UBE3D: variants seen among roughly 807,000 people sequenced by gnomAD.
The protein encoded by UBE3D is E3 ubiquitin-protein ligase E3D.
Under a neutral mutation model 49.6 loss-of-function variants are expected in UBE3D, and 48 were observed. That is an observed-to-expected ratio of 0.97 (90% CI 0.77 to 1.23). UBE3D has a LOEUF of 1.23. Among genes scored for constraint, UBE3D ranks in the 50% most tolerant of loss-of-function variants. UBE3D has a pLI of 0.00. For synonymous variants in UBE3D, 189 were observed against 174.2 expected (o/e 1.08, Z -0.67); for missense variants, 452 against 468.4 (o/e 0.96, Z 0.32).
the UBE3D span, among the ~76,000 whole-genome samples, chr6:82,886,619 C>T: frequency 2.6e-4 from 39 of 152,300 alleles, no homozygotes; most frequent in African/African-American, 8.7e-4. Flanking sequence ...GCAATTGTCA[C>T]GGGATTGGAA....
chr6:83,058,580 G>A (rs1042797400), intron 1 of UBE3D, among the ~76,000 whole-genome samples: 3 of 152,150 alleles, frequency 2.0e-5, no homozygotes, highest in African/African-American at 7.2e-5. Context: ...GGCATCTATG[G>A]AAATGACCCT....
At chr6:82,960,962 G>A (rs1209802905) in intron 8 of UBE3D, among the ~76,000 whole-genome samples, 2 of 152,144 alleles carry the variant, frequency 1.3e-5, no homozygotes, top group Non-Finnish European at 2.9e-5. Flanking sequence ...AAAGTGTGGT[G>A]AAAAGGTTTT....
rs143383689 is a variant in UBE3D at position 82,971,852 on chromosome 6, A to G, written c.1011-14402T>C. On this transcript the variant is annotated intron_variant, in intron 8 of 9. Transcript: ENST00000369747. ...ATATTACTGGTATTGATAAAATGGC[A>G]TTATTTATAGAAGCTTTATTTGGAG... Among the ~76,000 whole-genome samples the G allele has an allele frequency of 5.8e-4, 89 of 152,294 alleles. 1 individual carries two copies. The highest frequency in any genetic ancestry group is 1.9e-3 in the African/African-American group (77 of 41,562).
intron 9 of UBE3D, among the ~76,000 whole-genome samples, chr6:82,896,501 G>A (rs1771329020): frequency 6.6e-6 from 1 of 152,114 alleles, no homozygotes. Context: ...ATGGAGAGAG[G>A]GAGAGGATGT....
intron 4 of UBE3D, among the ~76,000 whole-genome samples, chr6:83,043,882 C>G (rs551590832): frequency 2.0e-5 from 3 of 152,206 alleles, no homozygotes. Flanking sequence ...ACTTATGCAG[C>G]AAGAGCCACC....
At chr6:83,012,900 T>C (rs944577328) in intron 8 of UBE3D, among the ~76,000 whole-genome samples, 2 of 152,214 alleles carry the variant, frequency 1.3e-5, no homozygotes, top group African/African-American at 2.4e-5. Context: ...AGCTGTCCAC[T>C]TTCAGGTGGT....
At chr6:82,959,611 C>T (rs1006278609) in intron 8 of UBE3D, among the ~76,000 whole-genome samples, 1 of 150,970 alleles carries the variant, frequency 6.6e-6, no homozygotes, top group Admixed American at 6.6e-5. Flanking sequence ...CTTCCTTCAA[C>T]CACATTCCAC....
At chr6:83,044,736 A>T (rs979594473) in intron 3 of UBE3D, 77 bp from the exon 4 acceptor site, 3 of 1,239,618 alleles carry the variant, frequency 2.4e-6, no homozygotes, top group Admixed American at 2.2e-5. Context: ...ACCATAAAAG[A>T]TGAAAGAAAC....
chr6:82,999,513 T>C (rs1562168995), intron 8 of UBE3D, among the ~76,000 whole-genome samples: 1 of 152,170 alleles, frequency 6.6e-6, no homozygotes, highest in Non-Finnish European at 1.5e-5. Context: ...GCCTCCCAAG[T>C]AGCTGGGACT....
At chr6:82,904,382 T>C (rs1360562770) in intron 9 of UBE3D, among the ~76,000 whole-genome samples, 1 of 152,184 alleles carries the variant, frequency 6.6e-6, no homozygotes, top group Non-Finnish European at 1.5e-5. Flanking sequence ...CAGATTAGTG[T>C]AAGAAGTCAG....
chr6:82,980,746 T>C (rs1236063329), intron 8 of UBE3D, among the ~76,000 whole-genome samples: 1 of 152,038 alleles, frequency 6.6e-6, no homozygotes, highest in Admixed American at 6.6e-5. Flanking sequence ...GATTTCTATA[T>C]GGTAAGAGAG....
At chr6:82,970,233 C>T (rs1056058560) in intron 8 of UBE3D, among the ~76,000 whole-genome samples, 1 of 151,096 alleles carries the variant, frequency 6.6e-6, no homozygotes, top group Non-Finnish European at 1.5e-5. Flanking sequence ...AAAAACCTAT[C>T]ATATCATTTT....
At chr6:82,971,787 A>T (rs973047040) in intron 8 of UBE3D, among the ~76,000 whole-genome samples, 1 of 152,120 alleles carries the variant, frequency 6.6e-6, no homozygotes. Flanking sequence ...AAGAATTTTT[A>T]AAAAACATGT....
chr6:82,912,616 T>C (rs891360972), intron 9 of UBE3D, among the ~76,000 whole-genome samples: 6 of 152,184 alleles, frequency 3.9e-5, no homozygotes, highest in African/African-American at 1.4e-4. Context: ...AAGAGTTATG[T>C]GGAAAGTTAT....
the UBE3D span, among the ~76,000 whole-genome samples, chr6:82,882,438 T>G: frequency 6.6e-6 from 1 of 152,226 alleles, no homozygotes; most frequent in Non-Finnish European, 1.5e-5. Context: ...GGCACCTCTA[T>G]TTTGGATTCC....
At chr6:83,047,305 C>G (rs1482065332) in intron 3 of UBE3D, among the ~76,000 whole-genome samples, 1 of 152,158 alleles carries the variant, frequency 6.6e-6, no homozygotes, top group East Asian at 1.9e-4. Context: ...GCATCTGAAC[C>G]AGGAAGAAAT....
intron 8 of UBE3D, among the ~76,000 whole-genome samples, chr6:82,966,298 G>C (rs1050555537): frequency 6.6e-6 from 1 of 152,108 alleles, no homozygotes; most frequent in African/African-American, 2.4e-5. Flanking sequence ...TCATTTTAGG[G>C]AGACGGAAAT....
intron 8 of UBE3D, among the ~76,000 whole-genome samples, chr6:82,966,723 TATTTAA>T (rs1776965285): frequency 1.3e-5 from 2 of 150,416 alleles, no homozygotes; most frequent in Admixed American, 6.6e-5. Flanking sequence ...ATGTATATCA[TATTTAA>T]ATTTAACAAA....
intron 8 of UBE3D, among the ~76,000 whole-genome samples, chr6:82,970,385 T>C (rs1207578148): frequency 1.3e-5 from 2 of 152,102 alleles, no homozygotes; most frequent in Non-Finnish European, 2.9e-5. Flanking sequence ...AAAAAAATTT[T>C]AAATCACAGG....
Sources: allele counts gnomAD v4.1 joint callset (sites outside exome capture counted in the v4.1 genomes callset), GRCh38; gene constraint gnomAD v4.1.1; transcripts MANE v1.5; gene names NCBI Gene and HGNC (gene_info 2026-07-23, HGNC 2026-07-21).